Variants in DENND11 observed in about 807,000 individuals in gnomAD.
DENND11 encodes the protein DENN domain containing 11.
Under a neutral mutation model 49.2 loss-of-function variants are expected in DENND11, and 34 were observed. The observed-to-expected ratio is 0.69, with a 90% CI of 0.53 to 0.92. The LOEUF is 0.92. Among genes scored for constraint, DENND11 ranks in the 40% least tolerant of loss-of-function variants. The pLI, the probability that DENND11 is intolerant of heterozygous loss-of-function variation, is 0.00. For missense variants in DENND11, 475 were observed against 581.6 expected (o/e 0.82, Z 1.88); for synonymous variants, 238 against 230.3 (o/e 1.03, Z -0.30).
chr7:141,683,474 A>C (rs796666132), intron 3 of DENND11, among the ~76,000 whole-genome samples: 4 of 152,094 alleles, frequency 2.6e-5, no homozygotes, highest in African/African-American at 9.7e-5. Context: ...CCCCGTCTCT[A>C]CTAAAAAAAA....
chr7:141,679,805 G>A (rs922071860), intron 3 of DENND11, among the ~76,000 whole-genome samples: 1 of 151,454 alleles, frequency 6.6e-6, no homozygotes, highest in Non-Finnish European at 1.5e-5. Flanking sequence ...AAATACAAAT[G>A]ACTCAAACAT....
rs530428841 is a variant in DENND11, at chr7:141,667,775, G to A, written c.682-1350C>T. 3.3e-5 allele frequency among the ~76,000 whole-genome samples: 5 copies of A among 152,266 alleles called. No homozygotes were observed. The East Asian group carries it at 5.8e-4, about 18-fold the overall frequency. ...AAGCCAGGGCTGTCCTGGACCCTCCGAAGCTGTGTCTGCACTACCCGGAGA... is the reference window on the plus strand; with the variant it reads ...AAGCCAGGGCTGTCCTGGACCCTCCAAAGCTGTGTCTGCACTACCCGGAGA... On this transcript the variant is annotated intron_variant, in intron 4 of 8. Coordinates refer to ENST00000536163, the MANE Select transcript of DENND11 (RefSeq NM_001080392.2).
chr7:141,668,932 C>A (rs1348615527), intron 4 of DENND11, among the ~76,000 whole-genome samples: 1 of 152,210 alleles, frequency 6.6e-6, no homozygotes, highest in African/African-American at 2.4e-5. Flanking sequence ...TCCCTCCAAC[C>A]TTTCAAGTCC....
rs1271555646 is a variant in DENND11, at chr7:141,657,931, C to G, written c.*4725G>C. ...AGAGGCCTAAAAATAAGAATGATGA[C>G]ATTTACCCTTTTTTGTACTAGAGCT... On this transcript the variant is annotated 3_prime_UTR_variant, in exon 9 of 9. Coordinates refer to ENST00000536163, the MANE Select transcript of DENND11 (RefSeq NM_001080392.2). The G allele has an allele frequency of 2.6e-5, 4 of 152,620 alleles. No homozygotes were observed. The highest frequency in any genetic ancestry group is 5.9e-5 in the Non-Finnish European group (4 of 68,042). The allele number at this position is 152,620 out of a possible 1,614,324, so 9.5% of individuals were successfully genotyped here.
At chr7:141,690,183 G>A (rs1403799684) in intron 1 of DENND11, among the ~76,000 whole-genome samples, 1 of 152,162 alleles carries the variant, frequency 6.6e-6, no homozygotes, top group Non-Finnish European at 1.5e-5. Context: ...AGTGGTGAGG[G>A]GCAGCAGCCA....
At position 141,662,885 on chromosome 7, in the gene DENND11, C is replaced by CGGGGG. The variant is rs199714614; in HGVS notation, c.1173-39_1173-35dup. The CGGGGG allele has an allele frequency of 8.2e-5, 121 of 1,466,818 alleles. 1 individual carries two copies. In the African/African-American group the frequency reaches 1.7e-3, roughly 20 times the overall value. The allele number at this position is 1,466,818 out of a possible 1,614,324, so 90.9% of individuals were successfully genotyped here. ...GGAAGACAAGACACAGGAAAGGAAG[C>CGGGGG]GGGGGGGAATAAAAAGCTCACCAGA... is the stretch of plus-strand genomic sequence containing the variant. On this transcript the variant is annotated intron_variant, in intron 8 of 8. Transcript: ENST00000536163.
At chr7:141,665,081 G>A (rs1395995214) in intron 6 of DENND11, 27 bp from the exon 7 acceptor site, 2 of 1,611,844 alleles carry the variant, frequency 1.2e-6, no homozygotes, top group East Asian at 4.5e-5. Flanking sequence ...TAGAGAGGTG[G>A]GAACCCACCC....
At chr7:141,662,942 G>T in intron 8 of DENND11, 91 bp from the exon 9 acceptor site, 1 of 921,770 alleles carries the variant, frequency 1.1e-6, no homozygotes, top group Non-Finnish European at 1.6e-6. Flanking sequence ...AAACTATACT[G>T]TTTTGTTTAA....
In DENND11 at chr7:141,664,968, G is replaced by C; in HGVS notation, c.1039C>G (p.Leu347Val). Residue 347 changes from leucine to valine, a missense_variant, in exon 7 of 9, where the codon CTG (leucine) becomes GTG (valine). Leu to Val is a conservative substitution (Grantham distance 32). Transcript: ENST00000536163. The part of the protein sequence containing the change: ...NQNVKTHHDH[L>V]QPLLKINSAD... ...CTGTTGATCTTCAGCAGCGGCTGCAGGTGGTCGTGGTGTGTCTTCACATTC... is the reference window on the plus strand; with the variant it reads ...CTGTTGATCTTCAGCAGCGGCTGCACGTGGTCGTGGTGTGTCTTCACATTC... 6.2e-7 allele frequency: 1 copy of C among 1,613,780 alleles called. No individual in the cohort carries two copies. The highest frequency in any genetic ancestry group is 8.5e-7 in the Non-Finnish European group (1 of 1,179,812).
rs998449004 is a variant in DENND11 at position 141,684,084 on chromosome 7, T to A, written c.527+1394A>T. Among the ~76,000 whole-genome samples the A allele has an allele frequency of 5.3e-5, 8 of 152,170 alleles. No homozygotes were observed. In the South Asian group the frequency reaches 1.4e-3, roughly 28 times the overall value. Reference sequence around the variant, plus strand: ...CTAGGACTACAGGTGCACACCACCATGCCTGGCTAATTTTTTTGTTTTTGT... The same window carrying A: ...CTAGGACTACAGGTGCACACCACCAAGCCTGGCTAATTTTTTTGTTTTTGT... On this transcript the variant is annotated intron_variant, in intron 3 of 8. Coordinates refer to ENST00000536163, the MANE Select transcript of DENND11 (RefSeq NM_001080392.2).
intron 5 of DENND11, 121 bp from the exon 6 acceptor site, chr7:141,665,439 T>A (rs1562995091): frequency 1.4e-6 from 2 of 1,399,906 alleles, no homozygotes; most frequent in Non-Finnish European, 1.9e-6. Flanking sequence ...CAGGTGGTCC[T>A]GGCGTTCTGA....
chr7:141,662,606 C>T lies in DENND11; in HGVS notation c.*50G>A, dbSNP rs775083236. 41 of 1,405,370 alleles carry T rather than the reference C, an allele frequency of 2.9e-5. No individual in the cohort carries two copies. The highest frequency in any genetic ancestry group is 2.3e-4 in the Middle Eastern group (1 of 4,310). The allele number at this position is 1,405,370 out of a possible 1,614,324, so 87.1% of individuals were successfully genotyped here. ...CCCTCTGGGGCCCTGGGGTGAACTC[C>T]GGGCTGCTGACATCCCACGTGAAGT... On this transcript the variant is annotated 3_prime_UTR_variant, in exon 9 of 9. Coordinates refer to ENST00000536163, the MANE Select transcript of DENND11 (RefSeq NM_001080392.2).
chr7:141,685,857 C>A (rs1177357579), intron 2 of DENND11, among the ~76,000 whole-genome samples: 1 of 152,148 alleles, frequency 6.6e-6, no homozygotes, highest in Non-Finnish European at 1.5e-5. Context: ...CCGTGGCAAG[C>A]CTGCCGCTCA....
At chr7:141,695,431 G>C (rs1309178412) in intron 1 of DENND11, among the ~76,000 whole-genome samples, 1 of 152,230 alleles carries the variant, frequency 6.6e-6, no homozygotes, top group East Asian at 1.9e-4. Flanking sequence ...CACTAATAGG[G>C]AATGAAGCGC....
At chr7:141,667,286 G>A (rs1458772754) in intron 4 of DENND11, among the ~76,000 whole-genome samples, 2 of 152,174 alleles carry the variant, frequency 1.3e-5, no homozygotes, top group Non-Finnish European at 2.9e-5. Context: ...GAGCCAAGGA[G>A]TATCATAGGG....
Position 141,662,757 on chromosome 7 carries a change from T to G in DENND11, c.1267A>C (p.Met423Leu). ...KTLTAEHARG[M>L]GLDPQGDRSF... Reference sequence around the variant, plus strand: ...CGGTCTCCTTGGGGGTCTAGGCCCATGCCCCGGGCATGCTCTGCTGTCAGA... The same window carrying G: ...CGGTCTCCTTGGGGGTCTAGGCCCAGGCCCCGGGCATGCTCTGCTGTCAGA... The change falls in exon 9 of 9, where the codon ATG becomes CTG. Residue 423 changes from methionine (M) to leucine (L), a missense_variant. By Grantham distance (15) the Met-to-Leu change is conservative. Coordinates refer to ENST00000536163, the MANE Select transcript of DENND11 (RefSeq NM_001080392.2). 3.7e-6 allele frequency: 6 copies of G among 1,610,976 alleles called. No homozygotes were observed. The highest frequency in any genetic ancestry group is 5.1e-6 in the Non-Finnish European group (6 of 1,178,722).
At chr7:141,692,292 G>C (rs1459348822) in intron 1 of DENND11, among the ~76,000 whole-genome samples, 1 of 152,086 alleles carries the variant, frequency 6.6e-6, no homozygotes, top group Non-Finnish European at 1.5e-5. Context: ...TAATTCCAAA[G>C]CTTACATGGA....
At position 141,661,862 on chromosome 7, in the gene DENND11, C is replaced by T. The variant is rs1295840866; in HGVS notation, c.*794G>A. ...ATTATTGAACCCTTAAGAGACTAAA[C>T]TGGAAAATTAATTTGCTTGCAAGCT... On this transcript the variant is annotated 3_prime_UTR_variant, in exon 9 of 9. Transcript: ENST00000536163. 1 of 152,218 alleles carries T rather than the reference C, an allele frequency of 6.6e-6. No individual in the cohort carries two copies. Among genetic ancestry groups the T allele is most frequent in the Non-Finnish European group, 1.5e-5 (1 of 68,046 alleles). The allele number at this position is 152,218 out of a possible 1,614,324, so 9.4% of individuals were successfully genotyped here.
At chr7:141,687,228 CCTCT>C (rs1328773834) in intron 1 of DENND11, among the ~76,000 whole-genome samples, 1 of 152,106 alleles carries the variant, frequency 6.6e-6, no homozygotes, top group East Asian at 1.9e-4. Flanking sequence ...TGTTTCCCCT[CCTCT>C]CTCTCTCCTC....
Sources: gnomAD v4.1 joint callset for allele counts (sites outside exome capture counted in the v4.1 genomes callset) on GRCh38, gnomAD v4.1.1 for gene constraint, MANE v1.5 for transcripts, NCBI Gene and HGNC (gene_info 2026-07-23, HGNC 2026-07-21) for gene names.